IGFL2: variants seen among roughly 807,000 people sequenced by gnomAD.
The protein encoded by IGFL2 is insulin growth factor-like family member 2.
IGFL2 carries 7 observed loss-of-function variants against 13.9 expected under a neutral mutation model. The observed-to-expected ratio is 0.51, with a 90% CI of 0.29 to 0.95. IGFL2 has a LOEUF of 0.95. Ranked by LOEUF, IGFL2 falls within the 40% of genes least tolerant of loss-of-function variation. IGFL2 has a pLI of 0.08. For missense variants in IGFL2, 138 were observed against 147.8 expected, an observed-to-expected ratio of 0.93 and a Z score of 0.34; for synonymous variants, 55 against 55.8, an observed-to-expected ratio of 0.99 and a Z score of 0.07.
the IGFL2 span, among the ~76,000 whole-genome samples, chr19:46,115,570 C>G: frequency 7.9e-5 from 12 of 152,018 alleles, no homozygotes; most frequent in Non-Finnish European, 1.8e-4. Flanking sequence ...ACAGCCAACC[C>G]CAGAAACCTC....
the IGFL2 span, chr19:46,124,372 A>G: frequency 6.5e-7 from 1 of 1,549,580 alleles, no homozygotes; most frequent in African/African-American, 1.4e-5. Context: ...TGTGACAAGT[A>G]TGGAAAAAAC....
chr19:46,185,905 A>G, the IGFL2 span, among the ~76,000 whole-genome samples: 1 of 152,046 alleles, frequency 6.6e-6, no homozygotes, highest in Non-Finnish European at 1.5e-5. Context: ...GCCCCGGGAA[A>G]TTTTTAAGAC....
intron 1 of IGFL2, among the ~76,000 whole-genome samples, chr19:46,154,217 C>T (rs895456367): frequency 4.6e-5 from 7 of 152,100 alleles, no homozygotes; most frequent in African/African-American, 1.2e-4. Context: ...GCTTCTGGCC[C>T]GTCTGCCTCT....
chr19:46,168,458 G>A, the IGFL2 span, among the ~76,000 whole-genome samples: 1 of 152,158 alleles, frequency 6.6e-6, no homozygotes, highest in East Asian at 1.9e-4. Flanking sequence ...ATCCAATCAT[G>A]TCATACTCCT....
At chr19:46,201,257 T>C in the IGFL2 span, among the ~76,000 whole-genome samples, 1 of 152,312 alleles carries the variant, frequency 6.6e-6, no homozygotes, top group South Asian at 2.1e-4. Context: ...ATCTGGTCAC[T>C]TCCATCCCCT....
chr19:46,104,536 C>A, the IGFL2 span, among the ~76,000 whole-genome samples: 1 of 152,152 alleles, frequency 6.6e-6, no homozygotes, highest in Non-Finnish European at 1.5e-5. Context: ...ACTGCGGTAG[C>A]CTTCTCAGAT....
At chr19:46,206,591 C>T in the IGFL2 span, among the ~76,000 whole-genome samples, 1 of 152,194 alleles carries the variant, frequency 6.6e-6, no homozygotes, top group Admixed American at 6.5e-5. Flanking sequence ...TGTTTAGTAA[C>T]TGTTTGGCTG....
At chr19:46,172,887 T>C in the IGFL2 span, among the ~76,000 whole-genome samples, 1 of 152,176 alleles carries the variant, frequency 6.6e-6, no homozygotes, top group Admixed American at 6.5e-5. Context: ...CTGATGTGAA[T>C]ATAGTTTCTG....
the IGFL2 span, among the ~76,000 whole-genome samples, chr19:46,104,537 C>T: frequency 3.8e-3 from 577 of 152,274 alleles, 3 homozygotes; most frequent in South Asian, 0.029. Flanking sequence ...CTGCGGTAGC[C>T]TTCTCAGATC....
upstream of IGFL2, chr19:46,148,131 G>T: frequency 1.6e-6 from 1 of 627,764 alleles, no homozygotes. Flanking sequence ...TATGCTTTCT[G>T]TGGCTTCTCA....
the IGFL2 span, among the ~76,000 whole-genome samples, chr19:46,120,644 G>A: frequency 6.6e-6 from 1 of 150,908 alleles, no homozygotes; most frequent in Non-Finnish European, 1.5e-5. Flanking sequence ...CAATGCAATA[G>A]AAATCTGAAA....
At chr19:46,098,622 G>T in the IGFL2 span, among the ~76,000 whole-genome samples, 1 of 151,946 alleles carries the variant, frequency 6.6e-6, no homozygotes, top group Non-Finnish European at 1.5e-5. Flanking sequence ...GGGACTACAG[G>T]TGCATGCCAC....
chr19:46,187,338 C>T, the IGFL2 span, among the ~76,000 whole-genome samples: 803 of 74,324 alleles, frequency 0.011, no homozygotes, highest in Middle Eastern at 0.098. Context: ...TGATCAGAGA[C>T]GGTGAGCATT....
the IGFL2 span, among the ~76,000 whole-genome samples, chr19:46,106,123 G>A: frequency 6.6e-6 from 1 of 152,134 alleles, no homozygotes; most frequent in Non-Finnish European, 1.5e-5. Context: ...AAGGGGTTGG[G>A]GTTTGGGAGA....
At chr19:46,109,486 T>C in the IGFL2 span, among the ~76,000 whole-genome samples, 1 of 152,012 alleles carries the variant, frequency 6.6e-6, no homozygotes, top group East Asian at 1.9e-4. Flanking sequence ...AGCTAATTTT[T>C]TTTGTATTTT....
At chr19:46,099,108 T>C in the IGFL2 span, among the ~76,000 whole-genome samples, 3 of 152,232 alleles carry the variant, frequency 2.0e-5, no homozygotes, top group Non-Finnish European at 4.4e-5. Flanking sequence ...TATGAAATTC[T>C]GGGTTGGAAA....
the IGFL2 span, among the ~76,000 whole-genome samples, chr19:46,206,100 C>T: frequency 2.6e-5 from 4 of 152,156 alleles, no homozygotes; most frequent in Admixed American, 2.6e-4. Context: ...GGCTGTTTGA[C>T]CACAAAGTCT....
chr19:46,079,400 C>T, the IGFL2 span, among the ~76,000 whole-genome samples: 2 of 152,212 alleles, frequency 1.3e-5, no homozygotes, highest in East Asian at 1.9e-4. Context: ...TGGAGCTCAG[C>T]GAGTCGTGCG....
chr19:46,161,030 G>A, intron 3 of IGFL2, 40 bp from the exon 4 acceptor site: 1 of 1,573,306 alleles, frequency 6.4e-7, no homozygotes, highest in Non-Finnish European at 8.7e-7. Context: ...TTATCTCCTT[G>A]TCTGTTATTC....
Sources: allele counts gnomAD v4.1 joint callset (sites outside exome capture counted in the v4.1 genomes callset), GRCh38; gene constraint gnomAD v4.1.1; transcripts MANE v1.5; gene names NCBI Gene and HGNC (gene_info 2026-07-23, HGNC 2026-07-21).